PCDH15: variants seen among roughly 807,000 people sequenced by gnomAD.
PCDH15 encodes the protein protocadherin related 15.
A neutral mutation model predicts 178.5 loss-of-function variants in PCDH15; 129 were observed. That is an observed-to-expected ratio of 0.72 (90% confidence interval 0.63 to 0.84). The LOEUF is 0.84. Among genes scored for constraint, PCDH15 ranks in the 40% least tolerant of loss-of-function variants. PCDH15 has a pLI of 0.00. For missense variants in PCDH15, 2,230 were observed against 2,099.9 expected (o/e 1.06, Z -1.21); for synonymous variants, 800 against 732.0 (o/e 1.09, Z -1.50).
At chr10:54,823,789 A>G (rs1253726281) in intron 3 of PCDH15, among the ~76,000 whole-genome samples, 1 of 152,162 alleles carries the variant, frequency 6.6e-6, no homozygotes, top group African/African-American at 2.4e-5. Context: ...AAAATAATGG[A>G]AATTGTTTAT....
chr10:54,789,475 G>A (rs1468101874), intron 1 of PCDH15, among the ~76,000 whole-genome samples: 1 of 151,744 alleles, frequency 6.6e-6, no homozygotes, highest in African/African-American at 2.4e-5. Flanking sequence ...AGGCTTGAGT[G>A]ATTTAGTAGC....
At chr10:53,934,299 G>A (rs992423979) in intron 25 of PCDH15, among the ~76,000 whole-genome samples, 1 of 152,092 alleles carries the variant, frequency 6.6e-6, no homozygotes, top group Non-Finnish European at 1.5e-5. Context: ...ACTGTAAGGT[G>A]ATGGCAGCAT....
chr10:54,084,030 C>T (rs2094476109), intron 16 of PCDH15, among the ~76,000 whole-genome samples: 1 of 151,848 alleles, frequency 6.6e-6, no homozygotes, highest in African/African-American at 2.4e-5. Flanking sequence ...TGGAGACCAT[C>T]CATCCTGGCT....
At chr10:55,491,917 C>T (rs930467943) in intron 2 of PCDH15, among the ~76,000 whole-genome samples, 2 of 151,238 alleles carry the variant, frequency 1.3e-5, no homozygotes, top group African/African-American at 4.9e-5. Context: ...TACTCAAGGG[C>T]AATCAGAACA....
intron 2 of PCDH15, among the ~76,000 whole-genome samples, chr10:55,049,722 T>C (rs374829106): frequency 1.3e-5 from 2 of 151,996 alleles, no homozygotes; most frequent in African/African-American, 4.8e-5. Context: ...TTTCATAATT[T>C]AAAAATCTAT....
chr10:54,939,419 C>T (rs543810493), intron 2 of PCDH15, among the ~76,000 whole-genome samples: 81 of 136,648 alleles, frequency 5.9e-4, no homozygotes, highest in African/African-American at 1.9e-3. Flanking sequence ...GGCATGAACC[C>T]GGGAGGCGGA....
At position 54,090,030 on chromosome 10, in the gene PCDH15, C is replaced by T; in HGVS notation, c.1951G>A (p.Ala651Thr). Residue 651 changes from alanine to threonine, a missense_variant, in exon 16 of 38, where the codon GCC becomes ACC. Transcript: ENST00000644397. The part of the protein sequence containing the change: ...TDREGDSITY[A>T]IENGDPQRVF... ...CTCTGAGGATCTCCATTCTCAATGGCATATGTTATTGAGTCTCCCTCTCGA... is the reference window on the plus strand; with the variant it reads ...CTCTGAGGATCTCCATTCTCAATGGTATATGTTATTGAGTCTCCCTCTCGA... The T allele has an allele frequency of 6.2e-7, 1 of 1,612,456 alleles. No individual in the cohort carries two copies. The highest frequency in any genetic ancestry group is 1.7e-5 in the Admixed American group (1 of 59,960).
intron 3 of PCDH15, among the ~76,000 whole-genome samples, chr10:54,835,915 G>C (rs1399919102): frequency 2.0e-5 from 3 of 151,898 alleles, no homozygotes; most frequent in Non-Finnish European, 4.4e-5. Flanking sequence ...TAAACAAACA[G>C]ACATCACAAA....
chr10:55,277,888 A>G (rs1842635329), intron 1 of PCDH15, among the ~76,000 whole-genome samples: 3 of 152,100 alleles, frequency 2.0e-5, no homozygotes. Context: ...CAATATCTTG[A>G]AATATGTCTT....
intron 2 of PCDH15, among the ~76,000 whole-genome samples, chr10:55,131,635 A>C (rs1838047882): frequency 6.6e-6 from 1 of 152,092 alleles, no homozygotes; most frequent in South Asian, 2.1e-4. Context: ...TAAGAGACCC[A>C]AAGTGGGTAG....
intron 15 of PCDH15, among the ~76,000 whole-genome samples, chr10:54,094,296 A>C (rs2136092305): frequency 6.6e-6 from 1 of 152,322 alleles, no homozygotes; most frequent in African/African-American, 2.4e-5. Context: ...TAATTAGAAT[A>C]TTTTGTTTTC....
chr10:55,457,932 A>G (rs2132088850), intron 2 of PCDH15, among the ~76,000 whole-genome samples: 1 of 152,214 alleles, frequency 6.6e-6, no homozygotes, highest in East Asian at 1.9e-4. Flanking sequence ...TATGTCTTTT[A>G]GTTTTCTTAG....
intron 2 of PCDH15, among the ~76,000 whole-genome samples, chr10:54,957,723 C>G (rs149457182): frequency 6.6e-6 from 1 of 151,546 alleles, no homozygotes; most frequent in East Asian, 1.9e-4. Flanking sequence ...ACATCTCCAA[C>G]GTATCCAATT....
At position 54,122,032 on chromosome 10, in the gene PCDH15, C is replaced by G. The variant is rs574672665; in HGVS notation, c.1917+10843G>C. Reference sequence around the variant, plus strand: ...ACACACACACACACACACACACACACAGAGACAGACACACACACACACACA... The same window carrying G: ...ACACACACACACACACACACACACAGAGAGACAGACACACACACACACACA... On this transcript the variant is annotated intron_variant, in intron 15 of 37. Coordinates refer to ENST00000644397, the MANE Select transcript of PCDH15 (RefSeq NM_001384140.1). Among the ~76,000 whole-genome samples, 16 of 142,092 alleles carry G rather than the reference C, an allele frequency of 1.1e-4. No individual in the cohort carries two copies. In the South Asian group the frequency reaches 2.8e-3, roughly 25 times the overall value. The allele number at this position is 142,092 out of a possible 152,430, so 93.2% of individuals were successfully genotyped here.
intron 2 of PCDH15, among the ~76,000 whole-genome samples, chr10:55,346,752 T>C (rs1162813734): frequency 1.3e-5 from 2 of 151,542 alleles, no homozygotes; most frequent in African/African-American, 4.9e-5. Context: ...ATAGTCTAAA[T>C]AGAGTATTAT....
chr10:54,930,030 G>A (rs560221187), intron 2 of PCDH15, among the ~76,000 whole-genome samples: 18 of 152,284 alleles, frequency 1.2e-4, no homozygotes, highest in African/African-American at 3.4e-4. Flanking sequence ...TGCAGACATA[G>A]ATAAGCAAGC....
intron 3 of PCDH15, among the ~76,000 whole-genome samples, chr10:54,831,145 A>G (rs1953219520): frequency 6.6e-6 from 1 of 152,112 alleles, no homozygotes; most frequent in African/African-American, 2.4e-5. Flanking sequence ...CATCTATTTA[A>G]CTTCCTGAAA....
chr10:54,070,738 C>T (rs1029583885), intron 17 of PCDH15, among the ~76,000 whole-genome samples: 2 of 151,910 alleles, frequency 1.3e-5, no homozygotes, highest in Admixed American at 6.6e-5. Flanking sequence ...TACAGGTGCA[C>T]GCCACTATGC....
intron 2 of PCDH15, among the ~76,000 whole-genome samples, chr10:55,359,698 GAACA>G (rs1195906525): frequency 1.9e-5 from 2 of 105,552 alleles, no homozygotes; most frequent in Non-Finnish European, 3.8e-5. Flanking sequence ...ATCAATAGAT[GAACA>G]AATAAAGAAA....
Sources: gnomAD v4.1 joint callset for allele counts (sites outside exome capture counted in the v4.1 genomes callset) on GRCh38, gnomAD v4.1.1 for gene constraint, MANE v1.5 for transcripts, NCBI Gene and HGNC (gene_info 2026-07-23, HGNC 2026-07-21) for gene names.